The following AK4 variants were observed in gnomAD, a reference collection of about 807,000 sequenced individuals.
The protein encoded by AK4 is adenylate kinase 4.
A neutral mutation model predicts 24.6 loss-of-function variants in AK4; 13 were observed. The ratio of observed to expected loss-of-function variants is 0.53; its 90% CI spans 0.34 to 0.84. The LOEUF is 0.84. Ranked by LOEUF, AK4 falls within the 40% of genes least tolerant of loss-of-function variation. AK4 has a pLI of 0.01. For synonymous variants in AK4, 88 were observed against 107.0 expected (o/e 0.82, Z 1.10); for missense variants, 192 against 288.2 (o/e 0.67, Z 2.42).
intron 1 of AK4, among the ~76,000 whole-genome samples, chr1:65,178,499 C>G (rs1374764447): frequency 6.6e-6 from 1 of 152,176 alleles, no homozygotes; most frequent in African/African-American, 2.4e-5. Flanking sequence ...AAAGGGAACA[C>G]CTCTGTAGTA....
At chr1:65,158,254 G>A (rs953538186) in intron 1 of AK4, among the ~76,000 whole-genome samples, 1 of 152,090 alleles carries the variant, frequency 6.6e-6, no homozygotes, top group Non-Finnish European at 1.5e-5. Flanking sequence ...AGTAAATTGG[G>A]CTTCAAGCTG....
chr1:65,183,570 T>C (rs576800761), intron 1 of AK4, among the ~76,000 whole-genome samples: 3 of 151,996 alleles, frequency 2.0e-5, no homozygotes, highest in African/African-American at 7.2e-5. Flanking sequence ...TTGAGAGTCA[T>C]TCAGTCCCTG....
chr1:65,184,982 C>T (rs997195807), intron 1 of AK4, among the ~76,000 whole-genome samples: 3 of 152,162 alleles, frequency 2.0e-5, no homozygotes, highest in Admixed American at 6.6e-5. Flanking sequence ...TTAGATCTTT[C>T]AATTAGTAAA....
intron 2 of AK4, among the ~76,000 whole-genome samples, chr1:65,207,963 A>T (rs10465810): frequency 0.56 from 85,579 of 152,054 alleles, 27,685 homozygotes; most frequent in African/African-American, 0.89. Context: ...GGTATCTTGG[A>T]TGATTCCATG....
At chr1:65,151,643 C>T (rs1649774778) in intron 1 of AK4, among the ~76,000 whole-genome samples, 1 of 152,168 alleles carries the variant, frequency 6.6e-6, no homozygotes, top group East Asian at 1.9e-4. Flanking sequence ...ATAAAAGGAG[C>T]TTACCGAGTC....
chr1:65,171,341 C>G (rs1650517414), intron 1 of AK4, among the ~76,000 whole-genome samples: 1 of 111,032 alleles, frequency 9.0e-6, no homozygotes, highest in African/African-American at 3.6e-5. Flanking sequence ...GAGTCTCCCT[C>G]TGTTGCCTAG....
At chr1:65,207,180 GTCTTTT>G (rs911554084) in intron 2 of AK4, among the ~76,000 whole-genome samples, 4 of 152,124 alleles carry the variant, frequency 2.6e-5, no homozygotes, top group African/African-American at 9.7e-5. Context: ...GGTTTTTAAA[GTCTTTT>G]TCTTTTTCTT....
chr1:65,175,377 T>C (rs1380458412), intron 1 of AK4, among the ~76,000 whole-genome samples: 3 of 152,138 alleles, frequency 2.0e-5, no homozygotes, highest in Non-Finnish European at 4.4e-5. Context: ...GAGGGAAGAC[T>C]CTCATGGGCA....
chr1:65,151,555 T>G (rs1375882388), intron 1 of AK4, among the ~76,000 whole-genome samples: 2 of 152,198 alleles, frequency 1.3e-5, no homozygotes, highest in South Asian at 2.1e-4. Context: ...CTTGGGCCTT[T>G]TGTTCTTTCT....
chr1:65,206,660 T>A, intron 2 of AK4, among the ~76,000 whole-genome samples: 1 of 152,328 alleles, frequency 6.6e-6, no homozygotes, highest in East Asian at 1.9e-4. Context: ...GTAGTCCAGC[T>A]ACTTGGGTGG....
intron 1 of AK4, among the ~76,000 whole-genome samples, chr1:65,151,428 T>C (rs1393186675): frequency 6.6e-6 from 1 of 152,172 alleles, no homozygotes; most frequent in East Asian, 1.9e-4. Flanking sequence ...CTTGTGCCTC[T>C]TTTATTATTA....
intron 2 of AK4, among the ~76,000 whole-genome samples, chr1:65,207,131 T>C (rs1409535994): frequency 6.6e-6 from 1 of 152,220 alleles, no homozygotes; most frequent in African/African-American, 2.4e-5. Flanking sequence ...TATCTTCTGC[T>C]TATCAGTGGA....
At chr1:65,172,133 A>G (rs1157289678) in intron 1 of AK4, among the ~76,000 whole-genome samples, 6 of 137,564 alleles carry the variant, frequency 4.4e-5, no homozygotes, top group African/African-American at 1.3e-4. Context: ...CCAAATATAT[A>G]TATATTTGGA....
chr1:65,174,326 C>T (rs1650638393), intron 1 of AK4, among the ~76,000 whole-genome samples: 1 of 151,974 alleles, frequency 6.6e-6, no homozygotes, highest in Non-Finnish European at 1.5e-5. Flanking sequence ...TATTTTCCCC[C>T]AAGTCTCTCT....
At chr1:65,175,007 G>GA (rs1350119206) in intron 1 of AK4, among the ~76,000 whole-genome samples, 1 of 152,272 alleles carries the variant, frequency 6.6e-6, no homozygotes, top group African/African-American at 2.4e-5. Flanking sequence ...GCAATTAAGT[G>GA]AAACACATTT....
At chr1:65,213,788 C>G (rs1408453067) in intron 2 of AK4, among the ~76,000 whole-genome samples, 1 of 152,142 alleles carries the variant, frequency 6.6e-6, no homozygotes, top group Non-Finnish European at 1.5e-5. Context: ...AACTGCCCCC[C>G]CAGTACCTCA....
rs77635969 is a variant in AK4, at chr1:65,170,391, A to C, written c.146-20319A>C. Among the ~76,000 whole-genome samples the C allele has an allele frequency of 8.1e-3, 1,235 of 152,070 alleles. 16 individuals carry two copies. The highest frequency in any genetic ancestry group is 0.028 in the African/African-American group (1,172 of 41,466). On this transcript the variant is annotated intron_variant, in intron 1 of 4. Transcript: ENST00000327299. Reference sequence around the variant, plus strand: ...TCACACACACACACACACACACAAAAAAAATCAGTTTTAAGGTATTAGAGG... The same window carrying C: ...TCACACACACACACACACACACAAACAAAATCAGTTTTAAGGTATTAGAGG...
chr1:65,159,008 A>T (rs1426445337), intron 1 of AK4, among the ~76,000 whole-genome samples: 2 of 152,206 alleles, frequency 1.3e-5, no homozygotes. Flanking sequence ...CTAAGTTCTG[A>T]GAGTTTTTGT....
At chr1:65,197,388 T>C (rs1435059883) in intron 2 of AK4, among the ~76,000 whole-genome samples, 1 of 152,230 alleles carries the variant, frequency 6.6e-6, no homozygotes, top group African/African-American at 2.4e-5. Flanking sequence ...TTTGGTTTTG[T>C]AGAAAACAAC....
Sources: gnomAD v4.1 joint callset for allele counts (sites outside exome capture counted in the v4.1 genomes callset) on GRCh38, gnomAD v4.1.1 for gene constraint, MANE v1.5 for transcripts, NCBI Gene and HGNC (gene_info 2026-07-23, HGNC 2026-07-21) for gene names.